Variants in DCTD observed in about 807,000 individuals in gnomAD.
DCTD encodes deoxycytidylate deaminase.
In DCTD, 23 loss-of-function variants were observed where a neutral mutation model predicts 21.0. The observed-to-expected ratio is 1.09, with a 90% CI of 0.79 to 1.55. DCTD has a LOEUF of 1.55. DCTD is among the 40% of genes most tolerant of loss of function. DCTD has a pLI of 0.00. For missense variants in DCTD, 224 were observed against 230.0 expected (o/e 0.97, Z 0.17); for synonymous variants, 71 against 81.1 (o/e 0.88, Z 0.67).
intron 2 of DCTD, 86 bp downstream of exon 2, chr4:182,915,375 C>A (rs569990064): frequency 9.7e-6 from 9 of 923,228 alleles, no homozygotes; most frequent in African/African-American, 6.5e-5. Context: ...AGTTGACAGG[C>A]GTCCACTGAG....
In DCTD at chr4:182,915,487, G is replaced by T; in HGVS notation, c.82C>A (p.Gln28Lys). ...TGGGAATTTGGATCTTTGCTTCTCTGTGCTGATAAGAAGGCCACAGCCATA... is the reference window on the plus strand; with the variant it reads ...TGGGAATTTGGATCTTTGCTTCTCTTTGCTGATAAGAAGGCCACAGCCATA... ...YFMAVAFLSA[Q>K]RSKDPNSQVG... The change falls in exon 2 of 6, where the codon CAG becomes AAG. Residue 28 changes from glutamine to lysine, a missense_variant. Gln to Lys is a moderately conservative substitution (Grantham distance 53, BLOSUM62 1). Coordinates refer to ENST00000438320, the MANE Select transcript of DCTD (RefSeq NM_001921.3). The T allele has an allele frequency of 6.2e-7, 1 of 1,611,830 alleles. No homozygotes were observed. The highest frequency in any genetic ancestry group is 1.3e-5 in the African/African-American group (1 of 74,976).
At chr4:182,902,394 T>G (rs571319926) in intron 3 of DCTD, among the ~76,000 whole-genome samples, 2 of 152,314 alleles carry the variant, frequency 1.3e-5, no homozygotes, top group African/African-American at 4.8e-5. Context: ...TTCAAATGAT[T>G]TGAAATAAAG....
chr4:182,908,027 T>C (rs941976678), intron 3 of DCTD, among the ~76,000 whole-genome samples: 1 of 149,826 alleles, frequency 6.7e-6, no homozygotes, highest in Non-Finnish European at 1.5e-5. Flanking sequence ...TGCATATCCC[T>C]ATCCAGATTA....
At chr4:182,907,335 G>A (rs1247340833) in intron 3 of DCTD, among the ~76,000 whole-genome samples, 2 of 152,066 alleles carry the variant, frequency 1.3e-5, no homozygotes, top group African/African-American at 2.4e-5. Flanking sequence ...ACGGGATTTC[G>A]CCATGTTGCC....
chr4:182,891,898 C>G (rs1038659806), intron 5 of DCTD, among the ~76,000 whole-genome samples: 7 of 151,434 alleles, frequency 4.6e-5, no homozygotes, highest in African/African-American at 1.7e-4. Context: ...CAAAAAACGA[C>G]TACCTTTAGT....
chr4:182,912,203 T>C (rs1737820426), intron 3 of DCTD, among the ~76,000 whole-genome samples: 1 of 151,786 alleles, frequency 6.6e-6, no homozygotes, highest in African/African-American at 2.4e-5. Context: ...AACATTTCTG[T>C]GACATCCCAG....
At chr4:182,897,768 C>T (rs1039758025) in intron 3 of DCTD, among the ~76,000 whole-genome samples, 3 of 152,212 alleles carry the variant, frequency 2.0e-5, no homozygotes, top group East Asian at 1.9e-4. Context: ...CCCGCACCTG[C>T]GGGGCTGAGG....
intron 3 of DCTD, chr4:182,911,209 A>T (rs1346343282): frequency 2.0e-5 from 3 of 152,176 alleles, no homozygotes; most frequent in Non-Finnish European, 4.4e-5. Flanking sequence ...AAAAAGAGTA[A>T]CTGAGCTCCC....
chr4:182,899,753 A>T (rs1442524506), intron 3 of DCTD, among the ~76,000 whole-genome samples: 1 of 152,112 alleles, frequency 6.6e-6, no homozygotes, highest in African/African-American at 2.4e-5. Flanking sequence ...TGCCAGATCC[A>T]TCTGTAAAAC....
chr4:182,915,437 C>A (rs1265194678), intron 2 of DCTD, 24 bp downstream of exon 2: 1 of 1,423,502 alleles, frequency 7.0e-7, no homozygotes, highest in African/African-American at 1.4e-5. Flanking sequence ...AGTATCTAAG[C>A]ATTCTCCCGT....
At chr4:182,894,165 T>C (rs1018656989) in intron 4 of DCTD, among the ~76,000 whole-genome samples, 1 of 152,178 alleles carries the variant, frequency 6.6e-6, no homozygotes, top group Non-Finnish European at 1.5e-5. Flanking sequence ...GTTCATTTCT[T>C]CCCTCCCCCA....
intron 3 of DCTD, 88 bp downstream of exon 3, chr4:182,914,834 AG>A (rs1738404159): frequency 1.4e-6 from 2 of 1,439,798 alleles, no homozygotes. Flanking sequence ...TGATGACAAA[AG>A]GGAGATGATG....
At position 182,915,681 on chromosome 4, in the gene DCTD, A is replaced by ATG. The variant is rs1185060524; in HGVS notation, c.-7-107_-7-106insCA. 109 of 842,686 alleles carry ATG rather than the reference A, an allele frequency of 1.3e-4. No homozygotes were observed. In the African/African-American group the frequency reaches 1.5e-3, roughly 11 times the overall value. The allele number at this position is 842,686 out of a possible 1,614,324, so 52.2% of individuals were successfully genotyped here. On this transcript the variant is annotated intron_variant, in intron 1 of 5. Transcript: ENST00000438320. ...AACCTTTAAATCTCTAAACATGGGC[A>ATG]ACTTCAGCTACATTTATCAATCAGA... is the stretch of plus-strand genomic sequence containing the variant.
rs1168711073 is a variant in DCTD, at chr4:182,917,117, G to C, written c.-8+194C>G. On this transcript the variant is annotated intron_variant, in intron 1 of 5. Transcript: ENST00000438320. The surrounding 1 kb of genome is among the most constrained non-coding windows in gnomAD (Gnocchi z 4.9). Reference sequence around the variant, plus strand: ...GAGAAATCGACCCTGGAGTGACTGCGGGGACCCCGAGCGCCCCCACCCCGC... The same window carrying C: ...GAGAAATCGACCCTGGAGTGACTGCCGGGACCCCGAGCGCCCCCACCCCGC... 1 of 987,394 alleles carries C rather than the reference G, an allele frequency of 1.0e-6. No homozygotes were observed. Among genetic ancestry groups the C allele is most frequent in the Non-Finnish European group, 1.2e-6 (1 of 831,680 alleles). The allele number at this position is 987,394 out of a possible 1,614,324, so 61.2% of individuals were successfully genotyped here. A position where few individuals can be genotyped will look rare whatever the true frequency, so the allele number is the denominator to read the frequency against.
chr4:182,899,693 G>A (rs1015819805), intron 3 of DCTD, among the ~76,000 whole-genome samples: 1 of 152,022 alleles, frequency 6.6e-6, no homozygotes, highest in Admixed American at 6.6e-5. Context: ...GAGCCACCGC[G>A]CCCGGCCAGT....
chr4:182,894,506 T>C lies in DCTD; in HGVS notation c.344A>G (p.Lys115Arg). The change falls in exon 4 of 6, where the codon AAG becomes AGG. Residue 115 changes from lysine (K) to arginine (R), a missense_variant. Transcript: ENST00000438320. ...VALFPCNECA[K>R]LIIQAGIKEV... ...GTTCCTACCTGCCTGGATGATGAGC[T>C]TAGCGCATTCATTACAAGGGAACAA... The C allele has an allele frequency of 6.2e-7, 1 of 1,611,794 alleles. No homozygotes were observed. The highest frequency in any genetic ancestry group is 8.5e-7 in the Non-Finnish European group (1 of 1,177,856).
intron 3 of DCTD, among the ~76,000 whole-genome samples, chr4:182,913,667 C>A (rs1342346360): frequency 6.6e-6 from 1 of 152,232 alleles, no homozygotes; most frequent in Non-Finnish European, 1.5e-5. Flanking sequence ...TGGCCTTACT[C>A]TCCCTTCACT....
intron 3 of DCTD, among the ~76,000 whole-genome samples, chr4:182,895,119 C>G (rs1020140596): frequency 6.6e-6 from 1 of 152,240 alleles, no homozygotes; most frequent in Admixed American, 6.5e-5. Flanking sequence ...TTCTGTTGCC[C>G]AGAGTGCAGC....
At chr4:182,896,052 C>CT (rs1395262431) in intron 3 of DCTD, among the ~76,000 whole-genome samples, 1 of 152,230 alleles carries the variant, frequency 6.6e-6, no homozygotes, top group African/African-American at 2.4e-5. Context: ...ATATGGGAAT[C>CT]TTCAAGGTCT....
Sources: gnomAD v4.1 joint callset for allele counts (sites outside exome capture counted in the v4.1 genomes callset) on GRCh38, gnomAD v4.1.1 for gene constraint, Gnocchi (gnomAD v3.1) non-coding constraint, MANE v1.5 for transcripts, NCBI Gene and HGNC (gene_info 2026-07-23, HGNC 2026-07-21) for gene names.